TENM2: variants seen among roughly 807,000 people sequenced by gnomAD.
The protein encoded by TENM2 is teneurin-2.
In TENM2, 52 loss-of-function variants were observed where a neutral mutation model predicts 245.2. The ratio of observed to expected loss-of-function variants is 0.21; its 90% CI spans 0.17 to 0.27. The LOEUF (loss-of-function observed/expected upper bound fraction) is 0.27, where lower values mean the gene tolerates loss of function less well. Ranked by LOEUF, TENM2 falls within the 10% of genes least tolerant of loss-of-function variation. TENM2 has a pLI of 1.00. For synonymous variants in TENM2, 1,363 were observed against 1,438.9 expected, an observed-to-expected ratio of 0.95 and a Z score of 1.19; for missense variants, 3,046 against 3,666.8, an observed-to-expected ratio of 0.83 and a Z score of 4.37.
At chr5:168,069,161 G>A (rs1465376065) in intron 7 of TENM2, among the ~76,000 whole-genome samples, 1 of 152,084 alleles carries the variant, frequency 6.6e-6, no homozygotes, top group African/African-American at 2.4e-5. Context: ...CCTCTGCTCT[G>A]CCTGGCATTT....
At chr5:167,122,386 A>G in the TENM2 span, among the ~76,000 whole-genome samples, 4 of 152,134 alleles carry the variant, frequency 2.6e-5, no homozygotes, top group East Asian at 5.8e-4. Context: ...GCCCCATTTG[A>G]TATTTGCATA....
chr5:167,193,714 G>T, the TENM2 span, among the ~76,000 whole-genome samples: 2 of 151,814 alleles, frequency 1.3e-5, no homozygotes, highest in African/African-American at 4.8e-5. Context: ...AATAATTTTT[G>T]ATCTTGTCGG....
chr5:167,856,342 T>C (rs1771098123), intron 2 of TENM2, among the ~76,000 whole-genome samples: 1 of 152,146 alleles, frequency 6.6e-6, no homozygotes, highest in Non-Finnish European at 1.5e-5. Context: ...ATGAAAGCAG[T>C]TGTAAAAGCA....
chr5:167,930,108 A>G (rs78001919), intron 3 of TENM2, among the ~76,000 whole-genome samples: 10,876 of 152,280 alleles, frequency 0.071, 516 homozygotes, highest in Non-Finnish European at 0.1. Flanking sequence ...ACTCCAGGGA[A>G]ATCGCAGTTT....
intron 2 of TENM2, among the ~76,000 whole-genome samples, chr5:167,872,427 A>G: frequency 6.6e-6 from 1 of 151,350 alleles, no homozygotes; most frequent in African/African-American, 2.4e-5. Context: ...AGAGAGACAG[A>G]AAGAAAGCAA....
the TENM2 span, among the ~76,000 whole-genome samples, chr5:167,131,795 T>TA: frequency 6.6e-6 from 1 of 151,964 alleles, no homozygotes; most frequent in African/African-American, 2.4e-5. Context: ...ACCCTTCTCT[T>TA]TGGTGTTTTT....
intron 2 of TENM2, among the ~76,000 whole-genome samples, chr5:167,709,482 C>A (rs1047716449): frequency 6.6e-6 from 1 of 152,102 alleles, no homozygotes. Context: ...GCTCTAATGT[C>A]CACAACACTT....
chr5:167,183,190 G>A, the TENM2 span, among the ~76,000 whole-genome samples: 2 of 152,064 alleles, frequency 1.3e-5, no homozygotes, highest in Non-Finnish European at 2.9e-5. Flanking sequence ...GGTATGGCTT[G>A]TATGTAAGGT....
intron 4 of TENM2, among the ~76,000 whole-genome samples, chr5:167,964,870 C>T (rs1276999116): frequency 6.6e-6 from 1 of 152,130 alleles, no homozygotes; most frequent in African/African-American, 2.4e-5. Flanking sequence ...GACTCTACCT[C>T]GAGAACAATT....
chr5:167,912,031 T>C (rs999831808), intron 3 of TENM2, among the ~76,000 whole-genome samples: 2 of 152,200 alleles, frequency 1.3e-5, no homozygotes, highest in African/African-American at 4.8e-5. Flanking sequence ...AATCTACTCA[T>C]AGCAATTTTC....
rs1413924149 is a variant in TENM2 at position 167,902,177 on chromosome 5, G to GGGTGGGGTGCATGGGCATGTACCC, written c.712+25983_712+26006dup. ...GTGCATGAGAGTGGAGTGGGGAGTG[G>GGGTGGGGTGCATGGGCATGTACCC]GGTGGGGTGCATGGGCATGTACCCT... On this transcript the variant is annotated intron_variant, in intron 3 of 28. Transcript: ENST00000518659. Among the ~76,000 whole-genome samples, 3 of 152,260 alleles carry GGGTGGGGTGCATGGGCATGTACCC rather than the reference G, an allele frequency of 2.0e-5. No homozygotes were observed. In the East Asian group the frequency reaches 5.8e-4, roughly 29 times the overall value.
At chr5:168,215,250 T>C (rs773038692) in exon 21 of TENM2, 1 of 1,613,836 alleles carries the variant, frequency 6.2e-7, no homozygotes, top group Non-Finnish European at 8.5e-7. Context: ...AGGCCATAGA[T>C]GCAACCCTGA....
intron 1 of TENM2, among the ~76,000 whole-genome samples, chr5:167,339,031 C>T (rs1422772046): frequency 1.3e-5 from 2 of 152,180 alleles, no homozygotes; most frequent in Non-Finnish European, 2.9e-5. Context: ...CCATCCATAG[C>T]ATTCCACCCT....
chr5:166,983,252 T>C, the TENM2 span, among the ~76,000 whole-genome samples: 1 of 152,232 alleles, frequency 6.6e-6, no homozygotes, highest in South Asian at 2.1e-4. Context: ...GTCTATTTAA[T>C]ATATTGTATA....
intron 2 of TENM2, among the ~76,000 whole-genome samples, chr5:167,820,889 T>A (rs75528671): frequency 0.092 from 13,928 of 152,164 alleles, 856 homozygotes; most frequent in African/African-American, 0.16. Context: ...GCCACAGTTC[T>A]TTTGCAGGAA....
intron 2 of TENM2, among the ~76,000 whole-genome samples, chr5:167,770,506 G>T (rs1383109982): frequency 6.6e-6 from 1 of 152,114 alleles, no homozygotes; most frequent in Non-Finnish European, 1.5e-5. Flanking sequence ...ACTGATATTC[G>T]TTTTCCAATG....
chr5:168,129,991 G>A (rs2152371838), intron 12 of TENM2: 1 of 152,348 alleles, frequency 6.6e-6, no homozygotes, highest in African/African-American at 2.4e-5. Context: ...TCTGCGACCT[G>A]TTTACAAAAG....
At chr5:168,223,704 A>G (rs1285497934) in intron 23 of TENM2, among the ~76,000 whole-genome samples, 2 of 151,924 alleles carry the variant, frequency 1.3e-5, no homozygotes, top group Non-Finnish European at 2.9e-5. Context: ...TCACCTCATG[A>G]TCCACCCGCC....
chr5:168,236,587 A>G (rs1334333630), intron 25 of TENM2, among the ~76,000 whole-genome samples: 1 of 151,842 alleles, frequency 6.6e-6, no homozygotes, highest in African/African-American at 2.4e-5. Context: ...ATCCTTCCTC[A>G]CTGCCACAGT....
Sources: allele counts gnomAD v4.1 joint callset (sites outside exome capture counted in the v4.1 genomes callset), GRCh38; gene constraint gnomAD v4.1.1; transcripts MANE v1.5; gene names NCBI Gene and HGNC (gene_info 2026-07-23, HGNC 2026-07-21).